Variants in GCNT2 observed in about 807,000 individuals in gnomAD.
GCNT2 encodes N-acetyllactosaminide beta-1,6-N-acetylglucosaminyl-transferase.
In GCNT2, 34 loss-of-function variants were observed where a neutral mutation model predicts 34.2. That is an observed-to-expected ratio of 1.00 (90% CI 0.76 to 1.32). GCNT2 has a LOEUF of 1.32. Among genes scored for constraint, GCNT2 ranks in the 40% most tolerant of loss-of-function variants. GCNT2 has a pLI of 0.00. For missense variants in GCNT2, 584 were observed against 489.4 expected (o/e 1.19, Z -1.82); for synonymous variants, 212 against 188.0 (o/e 1.13, Z -1.04).
Position 10,623,884 on chromosome 6 carries a change from C to T in GCNT2, c.1018+2441C>T, listed in dbSNP as rs1388881174. Among the ~76,000 whole-genome samples, 4 of 152,256 alleles carry T rather than the reference C, an allele frequency of 2.6e-5. 1 individual carries two copies. The highest frequency in any genetic ancestry group is 4.1e-4 in the South Asian group (2 of 4,820). ...TATGAGCTTCCTTCTGAGGACTCCC[C>T]GTCTGACCCGTGTATTGTAAGCCAC... On this transcript the variant is annotated intron_variant, in intron 4 of 4. Coordinates refer to ENST00000495262, the MANE Select transcript of GCNT2 (RefSeq NM_145649.5).
At chr6:10,589,360 CTAGTGTGTGTTTGTAG>C (rs1764535732) in intron 3 of GCNT2, among the ~76,000 whole-genome samples, 1 of 111,256 alleles carries the variant, frequency 9.0e-6, no homozygotes, top group Non-Finnish European at 2.1e-5. Context: ...TGGTGTGTTT[CTAGTGTGTGTTTGTAG>C]TGTGGTGTGT....
intron 1 of GCNT2, among the ~76,000 whole-genome samples, chr6:10,526,216 G>A (rs1457278068): frequency 2.0e-5 from 3 of 152,126 alleles, no homozygotes; most frequent in Non-Finnish European, 4.4e-5. Context: ...TAGATATTTG[G>A]GTTGATTAAA....
intron 4 of GCNT2, among the ~76,000 whole-genome samples, chr6:10,624,278 G>A (rs189085676): frequency 3.9e-5 from 6 of 152,304 alleles, no homozygotes; most frequent in Non-Finnish European, 8.8e-5. Context: ...AGAAAAAGAA[G>A]TTTAATGGAC....
rs367836422 is a variant in GCNT2, at chr6:10,529,106, G to C, written c.195G>C (p.Leu65Phe). ...TTTTTTACCCAACAGAAAATGCATT[G>C]AAAACTACCCTTGATGAAGCTACCT... ...GKVFYPTENA[L>F]KTTLDEATCY... The change falls in exon 3 of 5, where the codon TTG becomes TTC. Residue 65 changes from leucine (L) to phenylalanine (F), a missense_variant. By Grantham distance (22) the Leu-to-Phe change is conservative. Transcript: ENST00000495262. 2.5e-6 allele frequency: 4 copies of C among 1,613,960 alleles called. No individual in the cohort carries two copies. The African/African-American group carries it at 5.3e-5, about 22-fold the overall frequency.
At chr6:10,570,160 C>T (rs1030141534) in intron 3 of GCNT2, among the ~76,000 whole-genome samples, 1 of 152,144 alleles carries the variant, frequency 6.6e-6, no homozygotes, top group African/African-American at 2.4e-5. Flanking sequence ...GTCTTGAACT[C>T]CTGGACTCAA....
intron 3 of GCNT2, 33 bp from the exon 4 acceptor site, chr6:10,621,318 C>A (rs751945306): frequency 1.5e-6 from 2 of 1,367,720 alleles, no homozygotes; most frequent in Non-Finnish European, 2.1e-6. Flanking sequence ...TCATGACTCT[C>A]ATCTCTACGC....
At chr6:10,605,489 C>T (rs923377660) in intron 3 of GCNT2, among the ~76,000 whole-genome samples, 3 of 151,806 alleles carry the variant, frequency 2.0e-5, no homozygotes, top group African/African-American at 4.8e-5. Flanking sequence ...GGATTACAAG[C>T]GTGAGCCACT....
At chr6:10,570,146 G>C (rs1351239971) in intron 3 of GCNT2, among the ~76,000 whole-genome samples, 1 of 152,080 alleles carries the variant, frequency 6.6e-6, no homozygotes, top group African/African-American at 2.4e-5. Flanking sequence ...TGTTACTCAG[G>C]CTGGTCTTGA....
chr6:10,589,827 A>G (rs928301350), intron 3 of GCNT2, among the ~76,000 whole-genome samples: 1 of 152,214 alleles, frequency 6.6e-6, no homozygotes, highest in African/African-American at 2.4e-5. Flanking sequence ...AAAAGGAAAA[A>G]TGGTCCTTAT....
At chr6:10,605,194 G>T (rs1176670731) in intron 3 of GCNT2, among the ~76,000 whole-genome samples, 1 of 144,654 alleles carries the variant, frequency 6.9e-6, no homozygotes, top group Non-Finnish European at 1.5e-5. Context: ...ACCACATATT[G>T]CTTTCATGTA....
chr6:10,554,386 C>T (rs1762604740), intron 3 of GCNT2, among the ~76,000 whole-genome samples: 1 of 152,148 alleles, frequency 6.6e-6, no homozygotes, highest in African/African-American at 2.4e-5. Context: ...ACGAACATTC[C>T]TAATTTGGTT....
At chr6:10,555,299 G>C (rs915619125) in intron 3 of GCNT2, among the ~76,000 whole-genome samples, 3 of 152,168 alleles carry the variant, frequency 2.0e-5, no homozygotes, top group Non-Finnish European at 2.9e-5. Context: ...AAAGTGGAAA[G>C]TTGAAGATGA....
At chr6:10,545,475 T>G (rs981056817) in intron 3 of GCNT2, among the ~76,000 whole-genome samples, 1 of 152,224 alleles carries the variant, frequency 6.6e-6, no homozygotes, top group African/African-American at 2.4e-5. Context: ...CAGGGTTTCA[T>G]GTTCTTTTGT....
At chr6:10,615,214 G>A (rs952801411) in intron 3 of GCNT2, among the ~76,000 whole-genome samples, 1 of 152,168 alleles carries the variant, frequency 6.6e-6, no homozygotes, top group Non-Finnish European at 1.5e-5. Flanking sequence ...TCCCAGTGTT[G>A]CTTACAGCTG....
At chr6:10,606,856 TG>T (rs1561834001) in intron 3 of GCNT2, among the ~76,000 whole-genome samples, 1 of 152,124 alleles carries the variant, frequency 6.6e-6, no homozygotes, top group Non-Finnish European at 1.5e-5. Context: ...ATGTCTTTAC[TG>T]GTTTTTATAA....
chr6:10,613,775 T>G (rs1243906257), intron 3 of GCNT2, among the ~76,000 whole-genome samples: 2 of 152,178 alleles, frequency 1.3e-5, no homozygotes, highest in Non-Finnish European at 2.9e-5. Flanking sequence ...GTCTAAAAGG[T>G]TGAAAAGCCA....
rs76589582 is a variant in GCNT2, at chr6:10,534,797, G to A, written c.925+4961G>A. On this transcript the variant is annotated intron_variant, in intron 3 of 4. Transcript: ENST00000495262. ...GGATCACTTGAGCCCAGGAGGTCAA[G>A]GGCACAGTGAGCTGCAATAGCACCA... 7.4e-3 allele frequency among the ~76,000 whole-genome samples: 1,123 copies of A among 152,282 alleles called. 11 individuals are homozygous for A. Among genetic ancestry groups the A allele is most frequent in the African/African-American group, 0.024 (998 of 41,552 alleles).
At position 10,557,355 on chromosome 6, in the gene GCNT2, C is replaced by T. The variant is rs919544382; in HGVS notation, c.925+27519C>T. 6.9e-6 allele frequency: 11 copies of T among 1,596,426 alleles called. No homozygotes were observed. The highest frequency in any genetic ancestry group is 9.4e-6 in the Non-Finnish European group (11 of 1,164,292). On this transcript the variant is annotated intron_variant, in intron 3 of 4. Coordinates refer to ENST00000495262, the MANE Select transcript of GCNT2 (RefSeq NM_145649.5). ...AATAGGATTCCAGGTACGTACAATTCCATATTTCATGCAAAAGAAATGTGT... is the reference window on the plus strand; with the variant it reads ...AATAGGATTCCAGGTACGTACAATTTCATATTTCATGCAAAAGAAATGTGT...
intron 3 of GCNT2, among the ~76,000 whole-genome samples, chr6:10,540,107 AAAGG>A (rs1441168762): frequency 6.6e-6 from 1 of 151,416 alleles, no homozygotes; most frequent in Non-Finnish European, 1.5e-5. Context: ...GAAGGAAGGA[AAAGG>A]AAGAAAGTAA....
Sources: allele counts gnomAD v4.1 joint callset (sites outside exome capture counted in the v4.1 genomes callset), GRCh38; gene constraint gnomAD v4.1.1; transcripts MANE v1.5; gene names NCBI Gene and HGNC (gene_info 2026-07-23, HGNC 2026-07-21).